DCHS2: variants seen among roughly 807,000 people sequenced by gnomAD.
The protein encoded by DCHS2 is protocadherin-23.
Under a neutral mutation model 182.4 loss-of-function variants are expected in DCHS2, and 142 were observed. The ratio of observed to expected loss-of-function variants is 0.78; its 90% confidence interval spans 0.68 to 0.89. The LOEUF (loss-of-function observed/expected upper bound fraction) is 0.89. DCHS2 is among the 40% of genes least tolerant of loss of function. The pLI, the probability that DCHS2 is intolerant of heterozygous loss-of-function variation, is 0.00. For missense variants in DCHS2, 4,319 were observed against 4,198.6 expected, an observed-to-expected ratio of 1.03 and a Z score of -0.79; for synonymous variants, 1,740 against 1,663.3, an observed-to-expected ratio of 1.05 and a Z score of -1.12.
In DCHS2 at chr4:154,332,802, G is replaced by C; in HGVS notation, c.3406C>G (p.Arg1136Gly). Reference protein sequence around the residue: ...PSVDSAMFGIRPYTGWIYLRR... With the variant: ...PSVDSAMFGIGPYTGWIYLRR... ...AAATAAATCCAGCCCGTGTAAGGGCGGATTCCAAACATAGCAGAGTCTACG... is the reference window on the plus strand; with the variant it reads ...AAATAAATCCAGCCCGTGTAAGGGCCGATTCCAAACATAGCAGAGTCTACG... Residue 1136 changes from arginine to glycine, a missense_variant, in exon 5 of 20, where the codon CGC (arginine) becomes GGC (glycine). Transcript: ENST00000357232. 1 of 1,614,210 alleles carries C rather than the reference G, an allele frequency of 6.2e-7. No homozygotes were observed. The highest frequency in any genetic ancestry group is 8.5e-7 in the Non-Finnish European group (1 of 1,180,040).
rs1304611786 is a variant in DCHS2 at position 154,489,836 on chromosome 4, A to C, written c.1520T>G (p.Leu507Ter). 24 of 1,550,566 alleles carry C rather than the reference A, an allele frequency of 1.5e-5. No homozygotes were observed. The highest frequency in any genetic ancestry group is 1.8e-5 in the Non-Finnish European group (21 of 1,146,340). The change falls in exon 1 of 20, where the codon TTA becomes TGA. Residue 507 changes from leucine (L) to a stop codon, truncating the protein, a stop_gained. Transcript: ENST00000357232. LOFTEE classifies it high-confidence loss of function. The part of the protein sequence containing the change: ...LDRESRDLYE[L>*]LLVATDAGSP... ...CCCCGCGTCCGTGGCCACCAGTAGT[A>C]ACTCATACAGATCGCGGCTCTCTCT...
chr4:154,319,593 T>G (rs1294581648), intron 9 of DCHS2, among the ~76,000 whole-genome samples: 1 of 149,550 alleles, frequency 6.7e-6, no homozygotes, highest in African/African-American at 2.5e-5. Flanking sequence ...GCACTAATTA[T>G]TTGAGAAATG....
intron 1 of DCHS2, among the ~76,000 whole-genome samples, chr4:154,481,641 G>T (rs1399655972): frequency 6.6e-6 from 1 of 152,112 alleles, no homozygotes; most frequent in Non-Finnish European, 1.5e-5. Context: ...ACTTTCCTGG[G>T]AGTTTACCAT....
chr4:154,243,915 A>G (rs1206774595), intron 16 of DCHS2, among the ~76,000 whole-genome samples: 1 of 152,090 alleles, frequency 6.6e-6, no homozygotes, highest in East Asian at 1.9e-4. Flanking sequence ...TGACCTCCCT[A>G]TTTAAAACTC....
chr4:154,327,313 T>G (rs944811230), intron 7 of DCHS2, among the ~76,000 whole-genome samples: 1 of 152,182 alleles, frequency 6.6e-6, no homozygotes, highest in African/African-American at 2.4e-5. Context: ...CCATAGTGAA[T>G]GAGATCTTTG....
At chr4:154,438,282 C>A (rs7676138) in intron 1 of DCHS2, among the ~76,000 whole-genome samples, 136 of 152,280 alleles carry the variant, frequency 8.9e-4, no homozygotes, top group African/African-American at 3.2e-3. Context: ...GCTTGGAAGG[C>A]TAAATGTGAA....
intron 14 of DCHS2, among the ~76,000 whole-genome samples, chr4:154,266,330 T>TGTTG (rs1733257510): frequency 2.0e-5 from 3 of 150,264 alleles, no homozygotes; most frequent in Admixed American, 6.9e-5. Flanking sequence ...GGGGTTTTTT[T>TGTTG]TTTGTTGTTT....
intron 10 of DCHS2, among the ~76,000 whole-genome samples, chr4:154,314,568 T>C (rs1735784512): frequency 6.6e-6 from 1 of 152,194 alleles, no homozygotes; most frequent in East Asian, 1.9e-4. Context: ...AAAGACAGTG[T>C]TTTCCAAGAG....
intron 1 of DCHS2, among the ~76,000 whole-genome samples, chr4:154,408,776 TG>T (rs144329302): frequency 0.02 from 3,111 of 152,226 alleles, 118 homozygotes; most frequent in African/African-American, 0.072. Context: ...ATCACCCAGT[TG>T]GGATCAGCTT....
intron 3 of DCHS2, among the ~76,000 whole-genome samples, chr4:154,341,032 T>C (rs1330479183): frequency 6.6e-6 from 1 of 152,150 alleles, no homozygotes; most frequent in Non-Finnish European, 1.5e-5. Flanking sequence ...GGGAGAATCG[T>C]GAACCTTACT....
At chr4:154,373,931 C>A in intron 2 of DCHS2, 1 of 1,596,430 alleles carries the variant, frequency 6.3e-7, no homozygotes, top group South Asian at 1.1e-5. Context: ...TTCACCAGGG[C>A]TAAATGTGTC....
intron 14 of DCHS2, among the ~76,000 whole-genome samples, chr4:154,263,154 C>G (rs890396365): frequency 3.3e-5 from 5 of 152,044 alleles, no homozygotes; most frequent in African/African-American, 1.2e-4. Context: ...ACATATCAGT[C>G]TCACATTTTA....
At chr4:154,275,641 T>C (rs951721947) in intron 13 of DCHS2, among the ~76,000 whole-genome samples, 23 of 152,254 alleles carry the variant, frequency 1.5e-4, no homozygotes, top group Non-Finnish European at 2.6e-4. Flanking sequence ...ATTTATTTCC[T>C]AAACACAGGA....
intron 2 of DCHS2, among the ~76,000 whole-genome samples, chr4:154,374,783 G>A (rs1262022675): frequency 6.6e-6 from 1 of 151,846 alleles, no homozygotes; most frequent in Non-Finnish European, 1.5e-5. Context: ...ATACAAAAGA[G>A]TAGTAAGCAG....
intron 16 of DCHS2, among the ~76,000 whole-genome samples, chr4:154,251,107 G>A (rs1235458987): frequency 1.3e-5 from 2 of 152,176 alleles, no homozygotes; most frequent in Non-Finnish European, 2.9e-5. Flanking sequence ...TTTTGAAAAA[G>A]ATAATTAACA....
At chr4:154,481,127 A>T (rs1735903218) in intron 1 of DCHS2, among the ~76,000 whole-genome samples, 1 of 152,170 alleles carries the variant, frequency 6.6e-6, no homozygotes, top group South Asian at 2.1e-4. Flanking sequence ...AAGCTGACTG[A>T]ATTTGGGATG....
Position 154,267,937 on chromosome 4 carries a change from T to G in DCHS2, c.6577+1963A>C, listed in dbSNP as rs573546402. On this transcript the variant is annotated intron_variant, in intron 14 of 19. Transcript: ENST00000357232. ...AGGGGATTCCTTGCTGAAGCCTTCA[T>G]AGAGGGCTCAATGCTTTCTGTTGCA... Among the ~76,000 whole-genome samples, 4 of 152,312 alleles carry G rather than the reference T, an allele frequency of 2.6e-5. No homozygotes were observed. The East Asian group carries it at 5.8e-4, about 22-fold the overall frequency.
chr4:154,457,872 T>G (rs550202617), intron 1 of DCHS2, among the ~76,000 whole-genome samples: 1 of 152,290 alleles, frequency 6.6e-6, no homozygotes, highest in African/African-American at 2.4e-5. Context: ...ATGCTGCTGG[T>G]CCAGGGACCA....
At chr4:154,330,420 T>C (rs1467929451) in intron 5 of DCHS2, among the ~76,000 whole-genome samples, 1 of 152,210 alleles carries the variant, frequency 6.6e-6, no homozygotes, top group Non-Finnish European at 1.5e-5. Flanking sequence ...CCTAGAGCTA[T>C]ACTACCTTCA....
Sources: gnomAD v4.1 joint callset for allele counts (sites outside exome capture counted in the v4.1 genomes callset) on GRCh38, gnomAD v4.1.1 for gene constraint, MANE v1.5 for transcripts, NCBI Gene and HGNC (gene_info 2026-07-23, HGNC 2026-07-21) for gene names.